KCNIP4: variants seen among roughly 807,000 people sequenced by gnomAD.
KCNIP4 encodes potassium voltage-gated channel interacting protein 4, also known as Kv channel-interacting protein 4.
A neutral mutation model predicts 34.0 loss-of-function variants in KCNIP4; 12 were observed. That is an observed-to-expected ratio of 0.35 (90% CI 0.23 to 0.57). The LOEUF (loss-of-function observed/expected upper bound fraction) is 0.57. KCNIP4 is among the 20% of genes least tolerant of loss of function. KCNIP4 has a pLI of 0.83. For missense variants in KCNIP4, 238 were observed against 311.7 expected (o/e 0.76, Z 1.78); for synonymous variants, 124 against 102.2 (o/e 1.21, Z -1.29).
chr4:20,943,847 T>C (rs1237909955), intron 1 of KCNIP4, among the ~76,000 whole-genome samples: 1 of 152,188 alleles, frequency 6.6e-6, no homozygotes, highest in Non-Finnish European at 1.5e-5. Flanking sequence ...GTCAAATTAT[T>C]GACAATTTTG....
chr4:21,131,115 T>C (rs1473603883), intron 1 of KCNIP4, among the ~76,000 whole-genome samples: 4 of 152,186 alleles, frequency 2.6e-5, no homozygotes, highest in Non-Finnish European at 5.9e-5. Context: ...AGATTGTTCA[T>C]AGTGGCACAT....
chr4:21,270,985 C>CAAAA lies in KCNIP4; in HGVS notation c.62-388277_62-388276insTTTT, dbSNP rs755171963. Among the ~76,000 whole-genome samples the CAAAA allele has an allele frequency of 2.3e-4, 31 of 132,354 alleles. 1 individual carries two copies. Among genetic ancestry groups the CAAAA allele is most frequent in the African/African-American group, 6.8e-4 (23 of 33,660 alleles). The allele number at this position is 132,354 out of a possible 152,430, so 86.8% of individuals were successfully genotyped here. A position where few individuals can be genotyped will look rare whatever the true frequency, so the allele number is the denominator to read the frequency against. Reference sequence around the variant, plus strand: ...TGGTCAACAGATCAAGTCCCTGTCCCCAAAAAAAAAAAAAAAAAAGATTGT... The same window carrying CAAAA: ...TGGTCAACAGATCAAGTCCCTGTCCCAAAACAAAAAAAAAAAAAAAAAAGATTGT... On this transcript the variant is annotated intron_variant, in intron 1 of 8. Coordinates refer to ENST00000382152, the MANE Select transcript of KCNIP4 (RefSeq NM_025221.6).
At chr4:21,254,602 C>T (rs946947004) in intron 1 of KCNIP4, among the ~76,000 whole-genome samples, 1 of 152,182 alleles carries the variant, frequency 6.6e-6, no homozygotes, top group African/African-American at 2.4e-5. Context: ...TTGCCTTACT[C>T]TTCCCTATTT....
chr4:20,910,442 G>T (rs1026516882), intron 1 of KCNIP4, among the ~76,000 whole-genome samples: 6 of 152,000 alleles, frequency 3.9e-5, no homozygotes, highest in African/African-American at 1.2e-4. Context: ...TTTTTCCTTT[G>T]TCTTCTGCCT....
At chr4:20,803,333 C>T (rs552041551) in intron 3 of KCNIP4, among the ~76,000 whole-genome samples, 2 of 151,378 alleles carry the variant, frequency 1.3e-5, no homozygotes, top group South Asian at 4.2e-4. Context: ...AAAATAGCCA[C>T]GTGCAGTGGC....
At chr4:21,564,427 A>T (rs868145462) in intron 1 of KCNIP4, among the ~76,000 whole-genome samples, 14 of 152,234 alleles carry the variant, frequency 9.2e-5, no homozygotes, top group South Asian at 4.2e-4. Context: ...ACATTGGAGG[A>T]GGACTAACAT....
chr4:20,773,160 C>T (rs747449798), intron 3 of KCNIP4, among the ~76,000 whole-genome samples: 2 of 152,180 alleles, frequency 1.3e-5, no homozygotes, highest in Non-Finnish European at 2.9e-5. Context: ...ATGAGCCACT[C>T]ATATCACTTA....
At chr4:21,837,296 G>A (rs1219771893) in intron 1 of KCNIP4, among the ~76,000 whole-genome samples, 4 of 150,334 alleles carry the variant, frequency 2.7e-5, no homozygotes, top group African/African-American at 2.4e-5. Context: ...CACTTTGGGG[G>A]GCCAAGGTGG....
chr4:20,971,502 A>C (rs1734948646), intron 1 of KCNIP4, among the ~76,000 whole-genome samples: 1 of 152,176 alleles, frequency 6.6e-6, no homozygotes, highest in Non-Finnish European at 1.5e-5. Context: ...TTTCCTGTGA[A>C]TATAAATGTT....
rs182416981 is a variant in KCNIP4, at chr4:21,103,515, G to A, written c.62-220806C>T. On this transcript the variant is annotated intron_variant, in intron 1 of 8. Coordinates refer to ENST00000382152, the MANE Select transcript of KCNIP4 (RefSeq NM_025221.6). ...TCTAATAAAAACTTAAATCAGTGGAGACTTTATTCAAATATACTTCCCATA... is the reference window on the plus strand; with the variant it reads ...TCTAATAAAAACTTAAATCAGTGGAAACTTTATTCAAATATACTTCCCATA... Among the ~76,000 whole-genome samples, 478 of 150,840 alleles carry A rather than the reference G, an allele frequency of 3.2e-3. 2 individuals are homozygous for A. Among genetic ancestry groups the A allele is most frequent in the African/African-American group, 0.011 (455 of 41,198 alleles).
chr4:21,122,892 T>C (rs1750283557), intron 1 of KCNIP4, among the ~76,000 whole-genome samples: 1 of 152,114 alleles, frequency 6.6e-6, no homozygotes, highest in South Asian at 2.1e-4. Flanking sequence ...GGACATTTTT[T>C]CCCCTTTAAG....
chr4:20,936,044 T>C (rs530073762), intron 1 of KCNIP4, among the ~76,000 whole-genome samples: 4 of 152,346 alleles, frequency 2.6e-5, no homozygotes, highest in Admixed American at 1.3e-4. Flanking sequence ...AGAGCTTAAG[T>C]TTCTTTCCTG....
At chr4:21,194,438 G>A (rs1320293617) in intron 1 of KCNIP4, among the ~76,000 whole-genome samples, 1 of 152,122 alleles carries the variant, frequency 6.6e-6, no homozygotes, top group Non-Finnish European at 1.5e-5. Context: ...ATAAATAAAT[G>A]AGTAAAGGAA....
chr4:21,070,695 A>G (rs867138995), intron 1 of KCNIP4, among the ~76,000 whole-genome samples: 31 of 32,924 alleles, frequency 9.4e-4, no homozygotes, highest in African/African-American at 2.7e-3. Context: ...TTTTTTTTTG[A>G]GACAGAGTCT....
At chr4:21,228,621 A>G (rs1758571217) in intron 1 of KCNIP4, among the ~76,000 whole-genome samples, 1 of 152,170 alleles carries the variant, frequency 6.6e-6, no homozygotes, top group African/African-American at 2.4e-5. Context: ...CTCAGGGAGA[A>G]ACACCAGGGA....
chr4:21,622,080 C>A (rs895141276), intron 1 of KCNIP4, among the ~76,000 whole-genome samples: 1 of 152,134 alleles, frequency 6.6e-6, no homozygotes, highest in Admixed American at 6.5e-5. Context: ...CTTCATGCTG[C>A]GAAGTTATTG....
chr4:21,837,532 C>CAAAAA (rs60449238), intron 1 of KCNIP4, among the ~76,000 whole-genome samples: 4 of 78,548 alleles, frequency 5.1e-5, no homozygotes, highest in African/African-American at 1.8e-4. Flanking sequence ...AAAACGCTGT[C>CAAAAA]AAAAAAAAAA....
chr4:21,370,663 G>A (rs1720255383), intron 1 of KCNIP4, among the ~76,000 whole-genome samples: 1 of 141,114 alleles, frequency 7.1e-6, no homozygotes, highest in African/African-American at 3.1e-5. Flanking sequence ...GGACATATAA[G>A]CTCTGAAGCG....
At chr4:21,438,902 C>T (rs1490509966) in intron 1 of KCNIP4, among the ~76,000 whole-genome samples, 1 of 152,082 alleles carries the variant, frequency 6.6e-6, no homozygotes, top group Non-Finnish European at 1.5e-5. Flanking sequence ...GTGGCTCACG[C>T]CTGTAATCCC....
Sources: gnomAD v4.1 joint callset for allele counts (sites outside exome capture counted in the v4.1 genomes callset) on GRCh38, gnomAD v4.1.1 for gene constraint, MANE v1.5 for transcripts, NCBI Gene and HGNC (gene_info 2026-07-23, HGNC 2026-07-21) for gene names.